Variants in FHIT observed in about 807,000 individuals in gnomAD.
The protein encoded by FHIT is fragile histidine triad diadenosine triphosphatase, also known as bis(5'-adenosyl)-triphosphatase.
Under a neutral mutation model 17.9 loss-of-function variants are expected in FHIT, and 19 were observed. That is an observed-to-expected ratio of 1.06 (90% CI 0.74 to 1.56). The LOEUF is 1.56. Ranked by LOEUF, FHIT falls within the 40% of genes most tolerant of loss-of-function variation. FHIT has a pLI of 0.00. For missense variants in FHIT, 248 were observed against 189.2 expected (o/e 1.31, Z -1.82); for synonymous variants, 81 against 69.7 (o/e 1.16, Z -0.81).
intron 2 of FHIT, among the ~76,000 whole-genome samples, chr3:61,188,610 C>G (rs1175429594): frequency 6.6e-6 from 1 of 152,178 alleles, no homozygotes; most frequent in Non-Finnish European, 1.5e-5. Context: ...GATACCAAAG[C>G]TGGGCAGAGA....
At chr3:60,058,130 G>GTTTTTTT (rs71089573) in intron 5 of FHIT, among the ~76,000 whole-genome samples, 3 of 66,342 alleles carry the variant, frequency 4.5e-5, no homozygotes, top group African/African-American at 5.8e-5. Flanking sequence ...ACAGAGTTGT[G>GTTTTTTT]TTTTTTTTTT....
chr3:60,566,065 G>T (rs1167460515), intron 4 of FHIT, among the ~76,000 whole-genome samples: 1 of 152,146 alleles, frequency 6.6e-6, no homozygotes, highest in Non-Finnish European at 1.5e-5. Flanking sequence ...ATGTAGTTGA[G>T]TGGTTTTGAG....
chr3:60,619,912 A>G lies in FHIT; in HGVS notation c.-17-82933T>C, dbSNP rs897127769. Among the ~76,000 whole-genome samples, 3 of 152,172 alleles carry G rather than the reference A, an allele frequency of 2.0e-5. 1 individual carries two copies. Among genetic ancestry groups the G allele is most frequent in the Non-Finnish European group, 4.4e-5 (3 of 68,038 alleles). Reference sequence around the variant, plus strand: ...GGCTAGGAGAAAATATTTGCAAGAAACATGTATGATAAAGAACTGTTATCC... The same window carrying G: ...GGCTAGGAGAAAATATTTGCAAGAAGCATGTATGATAAAGAACTGTTATCC... On this transcript the variant is annotated intron_variant, in intron 4 of 9. Transcript: ENST00000492590.
intron 3 of FHIT, among the ~76,000 whole-genome samples, chr3:60,921,479 C>A (rs1392279788): frequency 6.6e-6 from 1 of 152,150 alleles, no homozygotes; most frequent in Non-Finnish European, 1.5e-5. Flanking sequence ...ATTAAAACTT[C>A]TCTGCTGAGA....
At position 60,755,127 on chromosome 3, in the gene FHIT, G is replaced by T. The variant is rs143461069; in HGVS notation, c.-18+66792C>A. The stretch of plus-strand genomic sequence containing the variant: ...ATATAAATCCTACCAATACCTCAAG[G>T]TCCATCTACTCTGTATTCTGAAAAT... On this transcript the variant is annotated intron_variant, in intron 4 of 9. Transcript: ENST00000492590. Among the ~76,000 whole-genome samples, 651 of 152,154 alleles carry T rather than the reference G, an allele frequency of 4.3e-3. 4 individuals carry two copies. The highest frequency in any genetic ancestry group is 0.015 in the African/African-American group (603 of 41,512).
intron 3 of FHIT, among the ~76,000 whole-genome samples, chr3:60,853,815 AT>A (rs571964409): frequency 3.9e-5 from 6 of 151,964 alleles, no homozygotes; most frequent in African/African-American, 1.2e-4. Context: ...ATAAAGCTTT[AT>A]TTTTTTGCAT....
At chr3:60,117,186 A>C (rs7632624) in intron 5 of FHIT, among the ~76,000 whole-genome samples, 1 of 127,120 alleles carries the variant, frequency 7.9e-6, no homozygotes, top group Non-Finnish European at 1.7e-5. Flanking sequence ...GTTGGCTTGA[A>C]TTCCAGAAGG....
chr3:60,230,468 A>G (rs914072636), intron 5 of FHIT, among the ~76,000 whole-genome samples: 1 of 152,168 alleles, frequency 6.6e-6, no homozygotes, highest in African/African-American at 2.4e-5. Flanking sequence ...TGGTGTAAAG[A>G]TTTTCCAGAA....
intron 5 of FHIT, among the ~76,000 whole-genome samples, chr3:60,255,261 G>T (rs984926972): frequency 6.6e-6 from 1 of 152,104 alleles, no homozygotes; most frequent in Non-Finnish European, 1.5e-5. Flanking sequence ...AGTATAATGA[G>T]ATGCGGGAAT....
chr3:60,602,556 T>G (rs183681844), intron 4 of FHIT, among the ~76,000 whole-genome samples: 386 of 151,792 alleles, frequency 2.5e-3, no homozygotes, highest in Admixed American at 3.9e-3. Flanking sequence ...AGCTAAGAGA[T>G]AAATAAAAAG....
Position 60,955,614 on chromosome 3 carries a change from A to ATACATATATATATATACATG in FHIT, c.-111+86432_-111+86433insCATGTATATATATATATGTA, listed in dbSNP as rs1559862329. On this transcript the variant is annotated intron_variant, in intron 3 of 9. Transcript: ENST00000492590. ...TATATATACATATATATATATATATATATATATATATATATATATACACAC... is the reference window on the plus strand; with the variant it reads ...TATATATACATATATATATATATATATACATATATATATATACATGTATATATATATATATATATACACAC... Among the ~76,000 whole-genome samples the ATACATATATATATATACATG allele has an allele frequency of 2.4e-3, 29 of 12,170 alleles. 2 individuals are homozygous for ATACATATATATATATACATG. The highest frequency in any genetic ancestry group is 6.2e-3 in the Non-Finnish European group (22 of 3,536). 8.0% of individuals were successfully genotyped at this position (12,170 alleles called of 152,430 possible). A position where few individuals can be genotyped will look rare whatever the true frequency, so the allele number is the denominator to read the frequency against.
At chr3:60,457,768 C>T (rs6790844) in intron 5 of FHIT, among the ~76,000 whole-genome samples, 36,654 of 131,392 alleles carry the variant, frequency 0.28, 7,156 homozygotes, top group African/African-American at 0.44. Context: ...AAAAACTGGG[C>T]GAAGGATATG....
chr3:60,379,870 C>T lies in FHIT; in HGVS notation c.103+156990G>A, dbSNP rs137865817. On this transcript the variant is annotated intron_variant, in intron 5 of 9. Coordinates refer to ENST00000492590, the MANE Select transcript of FHIT (RefSeq NM_002012.4). ...CCTAGGTTGAAGAAAAAACAAAACACCTACCTAAATATTCTTTGACCAGTA... is the reference window on the plus strand; with the variant it reads ...CCTAGGTTGAAGAAAAAACAAAACATCTACCTAAATATTCTTTGACCAGTA... Among the ~76,000 whole-genome samples, 1,127 of 152,248 alleles carry T rather than the reference C, an allele frequency of 7.4e-3. 19 individuals are homozygous for T. Among genetic ancestry groups the T allele is most frequent in the African/African-American group, 0.026 (1,084 of 41,538 alleles).
chr3:60,166,431 T>C (rs772908521), intron 5 of FHIT, among the ~76,000 whole-genome samples: 6 of 152,192 alleles, frequency 3.9e-5, no homozygotes, highest in Admixed American at 1.3e-4. Flanking sequence ...TTTGTCCTTA[T>C]TATAAACATA....
chr3:60,858,528 T>A (rs554973876), intron 3 of FHIT, among the ~76,000 whole-genome samples: 1 of 152,206 alleles, frequency 6.6e-6, no homozygotes, highest in East Asian at 1.9e-4. Context: ...CACCCCTTCA[T>A]ATTGCTTTGT....
intron 5 of FHIT, among the ~76,000 whole-genome samples, chr3:60,150,672 C>T (rs965760814): frequency 6.6e-6 from 1 of 152,146 alleles, no homozygotes; most frequent in Admixed American, 6.5e-5. Context: ...AATCCCAGAA[C>T]TTTAGGAGGC....
At chr3:60,018,893 T>A in intron 5 of FHIT, among the ~76,000 whole-genome samples, 1 of 152,064 alleles carries the variant, frequency 6.6e-6, no homozygotes, top group East Asian at 1.9e-4. Flanking sequence ...GACAGAAGAA[T>A]CCCTTGAATC....
chr3:60,761,544 T>C (rs1027433165), intron 4 of FHIT, among the ~76,000 whole-genome samples: 1 of 151,944 alleles, frequency 6.6e-6, no homozygotes, highest in Admixed American at 6.6e-5. Context: ...AATGTCTGAT[T>C]TGAAAAAAGA....
chr3:60,679,221 A>C (rs1553696178), intron 4 of FHIT, among the ~76,000 whole-genome samples: 1 of 152,180 alleles, frequency 6.6e-6, no homozygotes, highest in East Asian at 1.9e-4. Flanking sequence ...TGGCAATACA[A>C]GAAAAGACAA....
Sources: allele counts gnomAD v4.1 joint callset (sites outside exome capture counted in the v4.1 genomes callset), GRCh38; gene constraint gnomAD v4.1.1; transcripts MANE v1.5; gene names NCBI Gene and HGNC (gene_info 2026-07-23, HGNC 2026-07-21).